PCED1B: variants seen among roughly 807,000 people sequenced by gnomAD.
The protein encoded by PCED1B is PC-esterase domain containing 1B.
For missense variants in PCED1B, 573 were observed against 573.9 expected, an observed-to-expected ratio of 1.00 and a Z score of 0.02; for synonymous variants, 251 against 246.1, an observed-to-expected ratio of 1.02 and a Z score of -0.19.
intron 1 of PCED1B, among the ~76,000 whole-genome samples, chr12:47,089,833 G>A (rs1389732559): frequency 6.6e-6 from 1 of 152,020 alleles, no homozygotes; most frequent in African/African-American, 2.4e-5. Context: ...GAGTGCAGTG[G>A]CATGATCTTG....
At position 47,224,866 on chromosome 12, in the gene PCED1B, C is replaced by T. The variant is rs116840484; in HGVS notation, c.-58+8177C>T. Among the ~76,000 whole-genome samples the T allele has an allele frequency of 1.9e-3, 294 of 152,274 alleles. 1 individual carries two copies. Among genetic ancestry groups the T allele is most frequent in the African/African-American group, 6.7e-3 (280 of 41,558 alleles). On this transcript the variant is annotated intron_variant, in intron 3 of 3. Transcript: ENST00000546455. ...CCGAGACCTACGTAGGAAGTGAGGT[C>T]AATGTAGGTAGGTGATTCGAATCAG...
chr12:47,173,500 C>T (rs527867737), intron 2 of PCED1B, among the ~76,000 whole-genome samples: 30 of 152,300 alleles, frequency 2.0e-4, no homozygotes, highest in African/African-American at 6.5e-4. Context: ...GATCTGCCCG[C>T]CTTAGCCTCC....
chr12:47,233,643 T>C (rs1381971906), intron 3 of PCED1B, among the ~76,000 whole-genome samples: 1 of 152,128 alleles, frequency 6.6e-6, no homozygotes, highest in Non-Finnish European at 1.5e-5. Flanking sequence ...TGATAACCTG[T>C]CTGATTGATA....
chr12:47,178,301 G>A (rs765920680), intron 2 of PCED1B, among the ~76,000 whole-genome samples: 41 of 152,152 alleles, frequency 2.7e-4, no homozygotes, highest in Admixed American at 5.9e-4. Context: ...AGGACCCGGT[G>A]GATGCCATGT....
At chr12:47,193,071 T>A (rs1942496327) in intron 2 of PCED1B, among the ~76,000 whole-genome samples, 1 of 152,220 alleles carries the variant, frequency 6.6e-6, no homozygotes, top group Non-Finnish European at 1.5e-5. Flanking sequence ...TGCTAATTGT[T>A]TTTGCATGTC....
intron 2 of PCED1B, among the ~76,000 whole-genome samples, chr12:47,108,985 C>A (rs1022347510): frequency 6.6e-6 from 1 of 152,228 alleles, no homozygotes. Flanking sequence ...AGATGGAATT[C>A]TTTCATCTTT....
At chr12:47,171,635 G>T (rs1470817924) in intron 2 of PCED1B, among the ~76,000 whole-genome samples, 1 of 152,004 alleles carries the variant, frequency 6.6e-6, no homozygotes, top group Non-Finnish European at 1.5e-5. Flanking sequence ...ATGAATTCTT[G>T]CATAGCCACA....
intron 2 of PCED1B, among the ~76,000 whole-genome samples, chr12:47,120,730 A>G (rs1184341315): frequency 6.6e-6 from 1 of 152,148 alleles, no homozygotes. Flanking sequence ...TGAACCCGGG[A>G]GGCAGAGGTT....
At chr12:47,160,293 C>CTTTTTTT (rs59856338) in intron 2 of PCED1B, among the ~76,000 whole-genome samples, 435 of 69,268 alleles carry the variant, frequency 6.3e-3, no homozygotes, top group Non-Finnish European at 7.2e-3. Flanking sequence ...TTTTCTTTTT[C>CTTTTTTT]TTTTTTTTTT....
At chr12:47,134,892 T>C (rs911399657) in intron 2 of PCED1B, among the ~76,000 whole-genome samples, 3 of 152,182 alleles carry the variant, frequency 2.0e-5, no homozygotes, top group African/African-American at 7.2e-5. Context: ...TGCATATACA[T>C]GTTTTCACAT....
intron 3 of PCED1B, among the ~76,000 whole-genome samples, chr12:47,234,581 C>T (rs1432584718): frequency 6.6e-6 from 1 of 152,150 alleles, no homozygotes; most frequent in Non-Finnish European, 1.5e-5. Context: ...CATGTCCTTG[C>T]TTACTTGGGG....
intron 1 of PCED1B, among the ~76,000 whole-genome samples, chr12:47,083,755 T>C (rs1161726497): frequency 6.6e-6 from 1 of 152,092 alleles, no homozygotes; most frequent in African/African-American, 2.4e-5. Context: ...TTTACTTGGC[T>C]GGAAATGGGG....
intron 2 of PCED1B, among the ~76,000 whole-genome samples, chr12:47,130,316 A>G (rs1461777474): frequency 6.6e-6 from 1 of 152,196 alleles, no homozygotes; most frequent in Non-Finnish European, 1.5e-5. Flanking sequence ...ACAACATTAT[A>G]TTCTTAATCA....
At chr12:47,128,616 G>GA (rs1024552544) in intron 2 of PCED1B, among the ~76,000 whole-genome samples, 1 of 151,942 alleles carries the variant, frequency 6.6e-6, no homozygotes. Flanking sequence ...AGAACAGTTT[G>GA]AAAAAAATGT....
intron 3 of PCED1B, among the ~76,000 whole-genome samples, chr12:47,219,947 C>A (rs1943421019): frequency 6.6e-6 from 1 of 151,370 alleles, no homozygotes; most frequent in Admixed American, 6.6e-5. Flanking sequence ...GTGGCATGAG[C>A]CTAAAGTCCC....
At chr12:47,134,281 G>T (rs1010601421) in intron 2 of PCED1B, among the ~76,000 whole-genome samples, 1 of 152,162 alleles carries the variant, frequency 6.6e-6, no homozygotes, top group Non-Finnish European at 1.5e-5. Context: ...TTACTTTGTA[G>T]ATATAGTTGT....
chr12:47,087,163 C>T (rs1656748289), intron 1 of PCED1B, among the ~76,000 whole-genome samples: 1 of 152,182 alleles, frequency 6.6e-6, no homozygotes, highest in African/African-American at 2.4e-5. Flanking sequence ...AAAGAAACAT[C>T]ACATTAATAT....
intron 2 of PCED1B, chr12:47,205,862 G>A (rs1942895821): frequency 6.6e-6 from 1 of 152,150 alleles, no homozygotes; most frequent in East Asian, 1.9e-4. Flanking sequence ...TAAGGGAATT[G>A]GAATAGAGAA....
At chr12:47,155,403 T>A (rs1165381049) in intron 2 of PCED1B, among the ~76,000 whole-genome samples, 1 of 152,226 alleles carries the variant, frequency 6.6e-6, no homozygotes, top group Non-Finnish European at 1.5e-5. Flanking sequence ...AGTTACCTTG[T>A]GTTGTAGAAT....
Sources: gnomAD v4.1 joint callset for allele counts (sites outside exome capture counted in the v4.1 genomes callset) on GRCh38, gnomAD v4.1.1 for gene constraint, MANE v1.5 for transcripts, NCBI Gene and HGNC (gene_info 2026-07-23, HGNC 2026-07-21) for gene names.